DIS3L2: variants seen among roughly 807,000 people sequenced by gnomAD.
DIS3L2 encodes the protein DIS3 like 3'-5' exoribonuclease 2.
In DIS3L2, 34 loss-of-function variants were observed where a neutral mutation model predicts 97.5. The ratio of observed to expected loss-of-function variants is 0.35; its 90% CI spans 0.27 to 0.46. DIS3L2 has a LOEUF of 0.46. DIS3L2 is among the 20% of genes least tolerant of loss of function. The probability of loss-of-function intolerance (pLI) is 1.00; values close to 1 mark genes in which losing one functional copy is unlikely to be tolerated. For missense variants in DIS3L2, 1,038 were observed against 1,146.0 expected, an observed-to-expected ratio of 0.91 and a Z score of 1.36; for synonymous variants, 435 against 445.2, an observed-to-expected ratio of 0.98 and a Z score of 0.29.
chr2:232,071,005 CT>C (rs1259472587), intron 5 of DIS3L2, among the ~76,000 whole-genome samples: 1 of 152,154 alleles, frequency 6.6e-6, no homozygotes, highest in Non-Finnish European at 1.5e-5. Context: ...TAGCCTGACC[CT>C]TAGATCTCTG....
intron 5 of DIS3L2, among the ~76,000 whole-genome samples, chr2:232,058,375 T>C (rs762297793): frequency 6.6e-6 from 1 of 152,190 alleles, no homozygotes; most frequent in Non-Finnish European, 1.5e-5. Context: ...CCAAAGGAAA[T>C]ACAAGCATTT....
intron 10 of DIS3L2, among the ~76,000 whole-genome samples, chr2:232,224,587 C>T (rs1405987595): frequency 2.0e-5 from 3 of 151,924 alleles, no homozygotes; most frequent in Non-Finnish European, 4.4e-5. Flanking sequence ...GTCCATAATC[C>T]CACCACTTTG....
chr2:232,003,276 G>C (rs1385934304), intron 1 of DIS3L2, among the ~76,000 whole-genome samples: 1 of 151,772 alleles, frequency 6.6e-6, no homozygotes, highest in Non-Finnish European at 1.5e-5. Context: ...CACTTTTTTT[G>C]TGCTGAGTCT....
In DIS3L2 at chr2:232,335,815, A is replaced by G. The variant is rs1695925235; in HGVS notation, c.2437A>G (p.Lys813Glu). Residue 813 changes from lysine to glutamate, a missense_variant, in exon 20 of 21, where the codon AAG becomes GAG. Transcript: ENST00000325385. The part of the protein sequence containing the change: ...RSHHFQKVGK[K>E]PELTLVWEPE... ...CCACCACTTCCAGAAGGTGGGCAAG[A>G]AGCCGGAACTCACGCTGGTCTGGGA... is the stretch of plus-strand genomic sequence containing the variant. 6.4e-7 allele frequency: 1 copy of G among 1,550,856 alleles called. No homozygotes were observed. The highest frequency in any genetic ancestry group is 1.2e-5 in the South Asian group (1 of 84,062).
At chr2:232,095,799 C>G (rs1259245685) in intron 6 of DIS3L2, among the ~76,000 whole-genome samples, 2 of 152,082 alleles carry the variant, frequency 1.3e-5, no homozygotes, top group Non-Finnish European at 2.9e-5. Context: ...GTCTTTATTT[C>G]TCCTTGATGT....
chr2:232,057,351 G>A (rs909427289), intron 5 of DIS3L2, among the ~76,000 whole-genome samples: 1 of 152,066 alleles, frequency 6.6e-6, no homozygotes, highest in African/African-American at 2.4e-5. Context: ...TGGGACCTGC[G>A]AATATGGTGG....
chr2:232,127,873 T>A (rs183442134), intron 6 of DIS3L2, among the ~76,000 whole-genome samples: 1 of 152,342 alleles, frequency 6.6e-6, no homozygotes, highest in Admixed American at 6.5e-5. Flanking sequence ...ATTTAAATTC[T>A]TTCCCTGATC....
intron 7 of DIS3L2, chr2:232,131,148 C>T (rs1360198805): frequency 6.4e-6 from 1 of 156,212 alleles, no homozygotes; most frequent in Non-Finnish European, 1.4e-5. Context: ...ATTTTAATGT[C>T]TTTTTTAGTT....
intron 13 of DIS3L2, among the ~76,000 whole-genome samples, chr2:232,342,256 CACACAT>C (rs901238770): frequency 1.3e-4 from 15 of 117,294 alleles, no homozygotes; most frequent in South Asian, 4.8e-4. Context: ...TATACACATA[CACACAT>C]ACACATATAC....
rs191063037 is a variant in DIS3L2 at position 232,246,430 on chromosome 2, C to T, written c.1318-2809C>T. Among the ~76,000 whole-genome samples, 6 of 152,264 alleles carry T rather than the reference C, an allele frequency of 3.9e-5. No individual in the cohort carries two copies. The East Asian group carries it at 9.6e-4, about 24-fold the overall frequency. On this transcript the variant is annotated intron_variant, in intron 11 of 20. Transcript: ENST00000325385. ...CCCATGTGACTGGTGTTGCCAGTGC[C>T]CCGGGAGAGGGCCAGGGCACAAAGC...
intron 13 of DIS3L2, among the ~76,000 whole-genome samples, chr2:232,298,499 A>C (rs1034087628): frequency 6.6e-6 from 1 of 152,166 alleles, no homozygotes; most frequent in African/African-American, 2.4e-5. Flanking sequence ...CTGTAGGGCA[A>C]ACATGCCTTT....
chr2:232,264,587 C>T (rs1388325245), intron 13 of DIS3L2, among the ~76,000 whole-genome samples: 2 of 152,134 alleles, frequency 1.3e-5, no homozygotes, highest in Non-Finnish European at 2.9e-5. Flanking sequence ...TTGTTGTGTG[C>T]TCTGGGAAGT....
intron 14 of DIS3L2, among the ~76,000 whole-genome samples, chr2:232,311,242 GTC>G (rs1401037165): frequency 6.6e-6 from 1 of 152,226 alleles, no homozygotes; most frequent in Non-Finnish European, 1.5e-5. Context: ...ACTGGTCCAT[GTC>G]TCAGCATATA....
chr2:232,071,855 A>G (rs1696030981), intron 5 of DIS3L2, among the ~76,000 whole-genome samples: 1 of 152,194 alleles, frequency 6.6e-6, no homozygotes, highest in Non-Finnish European at 1.5e-5. Flanking sequence ...TAGTTTCTCT[A>G]GGAAAGAGAA....
At chr2:232,007,898 AT>A (rs1436277970) in intron 1 of DIS3L2, among the ~76,000 whole-genome samples, 1 of 152,024 alleles carries the variant, frequency 6.6e-6, no homozygotes, top group East Asian at 1.9e-4. Context: ...ATTTGATGAT[AT>A]TTTTTTCTTT....
At chr2:232,294,749 A>C (rs1385980801) in intron 13 of DIS3L2, among the ~76,000 whole-genome samples, 1 of 152,180 alleles carries the variant, frequency 6.6e-6, no homozygotes, top group Non-Finnish European at 1.5e-5. Context: ...TGTGCCACTT[A>C]CTTGGTAATT....
intron 10 of DIS3L2, 37 bp from the exon 11 acceptor site, chr2:232,238,496 C>G (rs1692994304): frequency 6.4e-7 from 1 of 1,573,190 alleles, no homozygotes; most frequent in African/African-American, 1.4e-5. Context: ...CTGTGGCCTT[C>G]CACGCCAGCC....
intron 1 of DIS3L2, among the ~76,000 whole-genome samples, chr2:232,005,823 TAGTAAG>T (rs1351645740): frequency 6.6e-6 from 1 of 152,220 alleles, no homozygotes; most frequent in Non-Finnish European, 1.5e-5. Context: ...GAAAAACTTA[TAGTAAG>T]AGATGCGCCT....
At chr2:232,216,800 G>A (rs1212536085) in intron 10 of DIS3L2, among the ~76,000 whole-genome samples, 5 of 151,964 alleles carry the variant, frequency 3.3e-5, no homozygotes, top group Non-Finnish European at 4.4e-5. Flanking sequence ...ATAAGTGGAA[G>A]GTAAGGCCAA....
Sources: allele counts gnomAD v4.1 joint callset (sites outside exome capture counted in the v4.1 genomes callset), GRCh38; gene constraint gnomAD v4.1.1; transcripts MANE v1.5; gene names NCBI Gene and HGNC (gene_info 2026-07-23, HGNC 2026-07-21).